SREBF2: variants seen among roughly 807,000 people sequenced by gnomAD.
The protein encoded by SREBF2 is sterol regulatory element-binding protein 2.
Under a neutral mutation model 113.1 loss-of-function variants are expected in SREBF2, and 55 were observed. That is an observed-to-expected ratio of 0.49 (90% CI 0.39 to 0.61). SREBF2 has a LOEUF of 0.61. SREBF2 is among the 20% of genes least tolerant of loss of function. The pLI, the probability that SREBF2 is intolerant of heterozygous loss-of-function variation, is 0.00. For missense variants in SREBF2, 1,349 were observed against 1,487.4 expected (o/e 0.91, Z 1.53); for synonymous variants, 593 against 605.7 (o/e 0.98, Z 0.31).
intron 14 of SREBF2, among the ~76,000 whole-genome samples, chr22:41,897,929 C>G (rs2077430702): frequency 6.6e-6 from 1 of 152,196 alleles, no homozygotes; most frequent in African/African-American, 2.4e-5. Flanking sequence ...AATATTCTAA[C>G]AGGAGCCTGT....
chr22:41,897,420 C>A (rs1371221068), intron 14 of SREBF2, among the ~76,000 whole-genome samples: 1 of 152,156 alleles, frequency 6.6e-6, no homozygotes, highest in African/African-American at 2.4e-5. Context: ...CAGGTGAGGA[C>A]CCTTCTTAAT....
intron 1 of SREBF2, among the ~76,000 whole-genome samples, chr22:41,850,675 A>C (rs1278512446): frequency 3.3e-5 from 5 of 152,198 alleles, no homozygotes; most frequent in Non-Finnish European, 7.3e-5. Flanking sequence ...CAGTTCAGCC[A>C]CTTTGTAGCT....
At chr22:41,848,073 G>A (rs970276920) in intron 1 of SREBF2, among the ~76,000 whole-genome samples, 12 of 151,648 alleles carry the variant, frequency 7.9e-5, no homozygotes, top group Admixed American at 2.6e-4. Flanking sequence ...CCGCCACCAC[G>A]CCCAGCTAAT....
chr22:41,889,000 A>T lies in SREBF2; in HGVS notation c.2208+3989A>T, dbSNP rs575376038. Among the ~76,000 whole-genome samples the T allele has an allele frequency of 6.6e-5, 10 of 152,308 alleles. No individual in the cohort carries two copies. The South Asian group carries it at 2.1e-3, about 32-fold the overall frequency. ...GCAAGTGGAGGGCTGGCCTCTGTGA[A>T]AATGGTTTAGACTAGAGGTTCCCAA... On this transcript the variant is annotated intron_variant, in intron 11 of 18. Transcript: ENST00000361204.
intron 10 of SREBF2, 53 bp from the exon 11 acceptor site, chr22:41,884,789 A>C (rs1013475714): frequency 1.2e-6 from 2 of 1,605,292 alleles, no homozygotes; most frequent in Non-Finnish European, 8.5e-7. Flanking sequence ...GAGCAGGAAA[A>C]AGTTTGGTTT....
intron 5 of SREBF2, 55 bp from the exon 6 acceptor site, chr22:41,875,282 T>C (rs923355400): frequency 1.5e-4 from 221 of 1,490,194 alleles, no homozygotes; most frequent in Middle Eastern, 7.5e-4. Context: ...CTCTGCTCTT[T>C]TCACACTGTA....
intron 15 of SREBF2, 141 bp downstream of exon 15, chr22:41,898,922 G>A (rs1195013470): frequency 1.0e-5 from 13 of 1,250,854 alleles, no homozygotes; most frequent in African/African-American, 4.5e-5. Flanking sequence ...AAAAGTCGGG[G>A]GTGAGGGCAC....
At position 41,897,048 on chromosome 22, in the gene SREBF2, C is replaced by G; in HGVS notation, c.2496-4C>G. The G allele has an allele frequency of 6.2e-7, 1 of 1,605,914 alleles. No individual in the cohort carries two copies. Among genetic ancestry groups the G allele is most frequent in the South Asian group, 1.1e-5 (1 of 90,326 alleles). ...GTACATGGGACCCTTTCTTTTCTTC[C>G]TAGTGAATTCTCCAGTGCTCTGGAG... is the stretch of plus-strand genomic sequence containing the variant. On this transcript the variant is annotated splice_polypyrimidine_tract_variant and splice_region_variant and intron_variant, in intron 13 of 18. Transcript: ENST00000361204.
At chr22:41,844,572 A>G (rs994957355) in intron 1 of SREBF2, among the ~76,000 whole-genome samples, 3 of 152,190 alleles carry the variant, frequency 2.0e-5, no homozygotes, top group East Asian at 3.8e-4. Flanking sequence ...ATCCTAAACT[A>G]TCGAAGGGCT....
intron 2 of SREBF2, among the ~76,000 whole-genome samples, chr22:41,867,589 G>A (rs935630965): frequency 2.6e-5 from 4 of 152,130 alleles, no homozygotes; most frequent in Non-Finnish European, 5.9e-5. Context: ...GGCGGATCAC[G>A]AGGTCAGGAG....
chr22:41,842,578 C>G (rs2076839990), intron 1 of SREBF2, among the ~76,000 whole-genome samples: 1 of 152,214 alleles, frequency 6.6e-6, no homozygotes, highest in Non-Finnish European at 1.5e-5. Context: ...TTTGTAAATT[C>G]TTCCTTTCAC....
rs2077111162 is a variant in SREBF2 at position 41,868,743 on chromosome 22, C to G, written c.671C>G (p.Ala224Gly). ...GCCAATGGCACGCTGCAGACCCTTG[C>G]CCCGGCTACGGTGCAGACAGTTGCT... ...QTANGTLQTL[A>G]PATVQTVAAP... Residue 224 changes from alanine to glycine, a missense_variant, in exon 3 of 19, where the codon GCC (alanine) becomes GGC (glycine). Physicochemically the swap from Ala to Gly is moderately conservative, Grantham distance 60 (BLOSUM62 0). This residue lies in a region of SREBF2 where 699 missense variants were observed against 843.3 expected (regional missense o/e 0.83). Transcript: ENST00000361204. The G allele has an allele frequency of 1.9e-6, 3 of 1,613,914 alleles. No homozygotes were observed. Among genetic ancestry groups the G allele is most frequent in the African/African-American group, 2.7e-5 (2 of 74,922 alleles).
intron 15 of SREBF2, chr22:41,899,964 T>TG (rs3833965): frequency 2.9e-5 from 35 of 1,196,558 alleles, no homozygotes; most frequent in Middle Eastern, 3.7e-4. Flanking sequence ...ACCACATCTC[T>TG]GGGGGGGTGG....
intron 1 of SREBF2, among the ~76,000 whole-genome samples, chr22:41,835,195 T>G (rs747340828): frequency 1.2e-4 from 19 of 152,106 alleles, no homozygotes; most frequent in Non-Finnish European, 2.2e-4. Flanking sequence ...AGGGTCTCAT[T>G]CTGTCACCCA....
intron 9 of SREBF2, among the ~76,000 whole-genome samples, chr22:41,878,956 G>A (rs1199168101): frequency 3.9e-5 from 6 of 152,228 alleles, no homozygotes; most frequent in Admixed American, 3.3e-4. Context: ...TGTTTTACAA[G>A]CATCATTATG....
chr22:41,903,422 G>C (rs577496819), intron 17 of SREBF2, among the ~76,000 whole-genome samples: 16 of 152,340 alleles, frequency 1.1e-4, no homozygotes, highest in African/African-American at 3.8e-4. Context: ...ACAGACAGGG[G>C]CCAGCAGGGA....
Position 41,866,989 on chromosome 22 carries a change from G to T in SREBF2, c.247G>T (p.Ala83Ser). 1 of 1,614,128 alleles carries T rather than the reference G, an allele frequency of 6.2e-7. No individual in the cohort carries two copies. Among genetic ancestry groups the T allele is most frequent in the Non-Finnish European group, 8.5e-7 (1 of 1,180,034 alleles). The change falls in exon 2 of 19, where the codon GCT (alanine) becomes TCT (serine). Residue 83 changes from alanine (A) to serine (S), a missense_variant. This residue lies in a region of SREBF2 where 699 missense variants were observed against 843.3 expected (regional missense o/e 0.83). Coordinates refer to ENST00000361204, the MANE Select transcript of SREBF2 (RefSeq NM_004599.4). ...SSNGRGSSSG[A>S]VDPSVQRSFT... is the part of the protein sequence containing the mutation. ...CAATGGCAGGGGCAGCAGCAGCGGAGCTGTGGACCCTTCAGTGCAACGGTC... is the reference window on the plus strand; with the variant it reads ...CAATGGCAGGGGCAGCAGCAGCGGATCTGTGGACCCTTCAGTGCAACGGTC...
intron 1 of SREBF2, among the ~76,000 whole-genome samples, chr22:41,862,138 C>G (rs1161865758): frequency 6.6e-6 from 1 of 152,094 alleles, no homozygotes; most frequent in Non-Finnish European, 1.5e-5. Flanking sequence ...ATTAATTTAA[C>G]CAGATTTCAG....
chr22:41,882,900 T>C (rs1169640540), intron 10 of SREBF2, among the ~76,000 whole-genome samples: 1 of 152,146 alleles, frequency 6.6e-6, no homozygotes, highest in Non-Finnish European at 1.5e-5. Context: ...GCCCAGGAGT[T>C]TCCCATCAGC....
Sources: allele counts gnomAD v4.1 joint callset (sites outside exome capture counted in the v4.1 genomes callset), GRCh38; gene constraint gnomAD v4.1.1; regional missense constraint gnomAD v4.1.1; transcripts MANE v1.5; gene names NCBI Gene and HGNC (gene_info 2026-07-23, HGNC 2026-07-21).